The following PCTP variants were observed in gnomAD, a reference collection of about 807,000 sequenced individuals.
The protein encoded by PCTP is phosphatidylcholine transfer protein, also known as START domain-containing protein 2.
A neutral mutation model predicts 31.0 loss-of-function variants in PCTP; 27 were observed. The observed-to-expected ratio is 0.87, with a 90% CI of 0.64 to 1.20. The LOEUF (loss-of-function observed/expected upper bound fraction) is 1.20. PCTP is among the 50% of genes most tolerant of loss of function. PCTP has a pLI of 0.00. For missense variants in PCTP, 287 were observed against 268.2 expected (o/e 1.07, Z -0.49); for synonymous variants, 108 against 101.2 (o/e 1.07, Z -0.40).
chr17:55,786,233 C>A (rs910611738), intron 2 of PCTP, among the ~76,000 whole-genome samples: 1 of 152,162 alleles, frequency 6.6e-6, no homozygotes, highest in African/African-American at 2.4e-5. Context: ...TTGCAGTGAG[C>A]CAAGATCACC....
downstream of PCTP, among the ~76,000 whole-genome samples, chr17:55,845,117 A>G (rs1007093887): frequency 1.4e-5 from 2 of 146,850 alleles, no homozygotes; most frequent in African/African-American, 2.5e-5. Flanking sequence ...AAAAAAAGAC[A>G]TCTAACACGG....
chr17:55,772,450 T>G (rs1434332454), intron 3 of PCTP, among the ~76,000 whole-genome samples: 1 of 151,194 alleles, frequency 6.6e-6, no homozygotes, highest in South Asian at 2.1e-4. Flanking sequence ...TTTAGCTGGG[T>G]GTGGTGGGCG....
intron 2 of PCTP, among the ~76,000 whole-genome samples, chr17:55,783,435 C>T (rs1031760016): frequency 2.6e-5 from 4 of 152,138 alleles, no homozygotes; most frequent in Non-Finnish European, 5.9e-5. Context: ...AAGGACAGCA[C>T]GCCGAATTCA....
At chr17:55,846,380 G>A (rs1170766800), downstream of PCTP, among the ~76,000 whole-genome samples, 1 of 152,208 alleles carries the variant, frequency 6.6e-6, no homozygotes, top group African/African-American at 2.4e-5. Flanking sequence ...GGGCCTTGAG[G>A]ATTCGTGGGG....
intron 3 of PCTP, among the ~76,000 whole-genome samples, chr17:55,820,545 C>T (rs1313069181): frequency 1.3e-5 from 2 of 152,184 alleles, no homozygotes; most frequent in Non-Finnish European, 1.5e-5. Flanking sequence ...GGATTCTACT[C>T]TCATAACTTA....
At chr17:55,757,320 T>C (rs1260674534) in intron 1 of PCTP, among the ~76,000 whole-genome samples, 2 of 151,412 alleles carry the variant, frequency 1.3e-5, no homozygotes, top group Admixed American at 6.6e-5. Context: ...ACTCAATGCA[T>C]GCTCAAGTTT....
At chr17:55,849,109 T>C in the PCTP span, among the ~76,000 whole-genome samples, 3 of 152,190 alleles carry the variant, frequency 2.0e-5, no homozygotes, top group African/African-American at 7.2e-5. Context: ...AGGAGTTACA[T>C]ATTATTATAA....
chr17:55,757,580 A>G (rs1268455651), intron 1 of PCTP, among the ~76,000 whole-genome samples: 1 of 151,008 alleles, frequency 6.6e-6, no homozygotes, highest in Admixed American at 6.6e-5. Context: ...TATATATACT[A>G]ATCACACTCA....
intron 3 of PCTP, among the ~76,000 whole-genome samples, chr17:55,811,283 A>C (rs2145045827): frequency 6.6e-6 from 1 of 152,366 alleles, no homozygotes; most frequent in African/African-American, 2.4e-5. Flanking sequence ...TAAAGGCCTT[A>C]GCAAATCAAT....
downstream of PCTP, among the ~76,000 whole-genome samples, chr17:55,781,136 C>A (rs1911550689): frequency 6.6e-6 from 1 of 152,294 alleles, no homozygotes; most frequent in East Asian, 1.9e-4. Context: ...GACTTTGGAT[C>A]TCCTGGCCTG....
chr17:55,782,623 A>C (rs1285603512), intron 2 of PCTP, among the ~76,000 whole-genome samples: 1 of 152,194 alleles, frequency 6.6e-6, no homozygotes, highest in African/African-American at 2.4e-5. Flanking sequence ...CCATGCTTCC[A>C]CATTCCCCCT....
At chr17:55,757,758 G>A (rs1910122860) in intron 1 of PCTP, among the ~76,000 whole-genome samples, 1 of 152,138 alleles carries the variant, frequency 6.6e-6, no homozygotes, top group Non-Finnish European at 1.5e-5. Flanking sequence ...AGAACCACTG[G>A]TGGATGGGGA....
chr17:55,807,856 C>G (rs1462243968), intron 3 of PCTP, among the ~76,000 whole-genome samples: 1 of 152,204 alleles, frequency 6.6e-6, no homozygotes, highest in Admixed American at 6.5e-5. Flanking sequence ...TGAATCTCCC[C>G]CAGATATAAA....
At chr17:55,795,377 G>A (rs1912150892) in intron 3 of PCTP, among the ~76,000 whole-genome samples, 1 of 152,054 alleles carries the variant, frequency 6.6e-6, no homozygotes, top group African/African-American at 2.4e-5. Flanking sequence ...CATAGAGCAT[G>A]TGGGGCTCTA....
At chr17:55,830,092 T>C (rs1019774360) in intron 5 of PCTP, among the ~76,000 whole-genome samples, 3 of 152,186 alleles carry the variant, frequency 2.0e-5, no homozygotes, top group Non-Finnish European at 4.4e-5. Flanking sequence ...ATCAACCTTG[T>C]ACAATATGAA....
intron 2 of PCTP, chr17:55,769,957 T>C (rs542051154): frequency 2.6e-5 from 4 of 152,332 alleles, no homozygotes; most frequent in African/African-American, 9.6e-5. Context: ...ATCAGCCTCC[T>C]GTGACCTTAA....
Position 55,774,857 on chromosome 17 carries a change from A to G in PCTP, c.577A>G (p.Lys193Glu). 3 of 802,870 alleles carry G rather than the reference A, an allele frequency of 3.7e-6. No homozygotes were observed. The highest frequency in any genetic ancestry group is 5.8e-6 in the Non-Finnish European group (3 of 518,212). The allele number at this position is 802,870 out of a possible 1,614,324, so 49.7% of individuals were successfully genotyped here. ...GTCCTGGCTCATTAACTGGGCCGCC[A>G]AGGTGAGATCCCAGGAGGTGGGGCG... ...IPSWLINWAA[K>E]NGVPNFLKDM... The change falls in exon 5 of 6, where the codon AAG (lysine) becomes GAG (glutamate). Residue 193 changes from lysine to glutamate, a missense_variant and splice_region_variant. Physicochemically the swap from Lys to Glu is moderately conservative, Grantham distance 56. Coordinates refer to ENST00000268896, the MANE Select transcript of PCTP (RefSeq NM_021213.4).
chr17:55,767,765 C>CTTTTTTTTT (rs10634278), intron 2 of PCTP, among the ~76,000 whole-genome samples: 6 of 103,486 alleles, frequency 5.8e-5, no homozygotes, highest in East Asian at 3.1e-4. Context: ...GCACCCAGTG[C>CTTTTTTTTT]TTTTTTTTTT....
chr17:55,799,789 A>C (rs1042313459), intron 3 of PCTP, among the ~76,000 whole-genome samples: 9 of 152,066 alleles, frequency 5.9e-5, no homozygotes, highest in Non-Finnish European at 1.2e-4. Flanking sequence ...ATCTCTCAGC[A>C]TTTGCTTGTC....
Sources: allele counts gnomAD v4.1 joint callset (sites outside exome capture counted in the v4.1 genomes callset), GRCh38; gene constraint gnomAD v4.1.1; transcripts MANE v1.5; gene names NCBI Gene and HGNC (gene_info 2026-07-23, HGNC 2026-07-21).